The following TNR variants were observed in gnomAD, a reference collection of about 807,000 sequenced individuals.
The protein encoded by TNR is tenascin-R.
In TNR, 45 loss-of-function variants were observed where a neutral mutation model predicts 150.4. The observed-to-expected ratio is 0.30, with a 90% CI of 0.24 to 0.38. TNR has a LOEUF of 0.38. Among genes scored for constraint, TNR ranks in the 10% least tolerant of loss-of-function variants. The pLI, the probability that TNR is intolerant of heterozygous loss-of-function variation, is 1.00. For missense variants in TNR, 1,544 were observed against 1,759.1 expected, an observed-to-expected ratio of 0.88 and a Z score of 2.19; for synonymous variants, 687 against 678.4, an observed-to-expected ratio of 1.01 and a Z score of -0.20.
At chr1:175,578,592 G>C (rs895011672) in intron 1 of TNR, among the ~76,000 whole-genome samples, 1 of 151,852 alleles carries the variant, frequency 6.6e-6, no homozygotes, top group Admixed American at 6.6e-5. Context: ...AAGGGAGGAG[G>C]GAGACCCTCA....
At chr1:175,474,648 C>T (rs1269261211) in intron 2 of TNR, among the ~76,000 whole-genome samples, 1 of 152,214 alleles carries the variant, frequency 6.6e-6, no homozygotes, top group Middle Eastern at 3.2e-3. Flanking sequence ...CATCCGTAGC[C>T]ATGTGTGCCC....
At chr1:175,441,819 T>C (rs1283761975) in intron 2 of TNR, among the ~76,000 whole-genome samples, 1 of 152,146 alleles carries the variant, frequency 6.6e-6, no homozygotes, top group African/African-American at 2.4e-5. Context: ...CCTAATACTA[T>C]ATCATATTGC....
intron 1 of TNR, among the ~76,000 whole-genome samples, chr1:175,736,213 C>CA (rs532300322): frequency 4.6e-5 from 7 of 151,622 alleles, no homozygotes; most frequent in African/African-American, 7.3e-5. Context: ...TTAATTCTCA[C>CA]AAAAAAAACT....
chr1:175,532,883 G>C (rs1660127849), intron 1 of TNR, among the ~76,000 whole-genome samples: 1 of 152,116 alleles, frequency 6.6e-6, no homozygotes, highest in African/African-American at 2.4e-5. Context: ...TGAACAATCT[G>C]AGAAAGTGCA....
intron 1 of TNR, among the ~76,000 whole-genome samples, chr1:175,633,995 A>G (rs1424744496): frequency 7.5e-6 from 1 of 133,528 alleles, no homozygotes. Flanking sequence ...TAGGACTGGG[A>G]TGATGATGAT....
At chr1:175,433,165 A>G (rs1203079654) in intron 2 of TNR, among the ~76,000 whole-genome samples, 1 of 152,210 alleles carries the variant, frequency 6.6e-6, no homozygotes, top group Non-Finnish European at 1.5e-5. Flanking sequence ...CTATGTGTCC[A>G]CAATACTAGT....
At chr1:175,534,864 C>T (rs1191373576) in intron 1 of TNR, among the ~76,000 whole-genome samples, 1 of 152,206 alleles carries the variant, frequency 6.6e-6, no homozygotes. Context: ...GGGGCAGTTT[C>T]CTCCATGGCT....
At chr1:175,441,074 A>C (rs1655766755) in intron 2 of TNR, among the ~76,000 whole-genome samples, 1 of 152,188 alleles carries the variant, frequency 6.6e-6, no homozygotes, top group Non-Finnish European at 1.5e-5. Context: ...CCAGGTCATC[A>C]GCTGAGTATG....
At chr1:175,624,435 G>T (rs1571688219) in intron 1 of TNR, among the ~76,000 whole-genome samples, 7 of 151,960 alleles carry the variant, frequency 4.6e-5, no homozygotes, top group Admixed American at 4.6e-4. Context: ...CATTATGACT[G>T]GTATCTTTAT....
At chr1:175,650,630 C>A (rs1294813190) in intron 1 of TNR, among the ~76,000 whole-genome samples, 1 of 150,438 alleles carries the variant, frequency 6.6e-6, no homozygotes, top group Non-Finnish European at 1.5e-5. Flanking sequence ...TCCTCCCCCA[C>A]CTCAATATTA....
chr1:175,667,947 T>C (rs2101900776), intron 1 of TNR, among the ~76,000 whole-genome samples: 1 of 152,322 alleles, frequency 6.6e-6, no homozygotes, highest in East Asian at 1.9e-4. Context: ...ACTCAAAGTG[T>C]AGCCATGGGT....
intron 9 of TNR, among the ~76,000 whole-genome samples, chr1:175,376,860 T>TAGA: frequency 8.8e-6 from 1 of 113,704 alleles, no homozygotes; most frequent in East Asian, 3.5e-4. Context: ...AAATGTAATA[T>TAGA]TATATATATA....
chr1:175,663,244 C>T (rs1473251303), intron 1 of TNR, among the ~76,000 whole-genome samples: 2 of 152,174 alleles, frequency 1.3e-5, no homozygotes, highest in African/African-American at 4.8e-5. Flanking sequence ...ACACTGCCCT[C>T]TCTTTTTCCC....
intron 2 of TNR, among the ~76,000 whole-genome samples, chr1:175,435,691 C>A (rs1435013764): frequency 6.6e-6 from 1 of 152,154 alleles, no homozygotes. Flanking sequence ...TTGATGTTAG[C>A]TGGTTATTTT....
intron 1 of TNR, among the ~76,000 whole-genome samples, chr1:175,535,315 A>T (rs1297690878): frequency 6.6e-6 from 1 of 152,252 alleles, no homozygotes; most frequent in Non-Finnish European, 1.5e-5. Flanking sequence ...AAAATAGATT[A>T]GCAACGAGCT....
rs1040400378 is a variant in TNR at position 175,599,551 on chromosome 1, G to C, written c.-164-71182C>G. Among the ~76,000 whole-genome samples, 8 of 152,240 alleles carry C rather than the reference G, an allele frequency of 5.3e-5. No homozygotes were observed. Among genetic ancestry groups the C allele is most frequent in the African/African-American group, 1.2e-4 (5 of 41,476 alleles). On this transcript the variant is annotated intron_variant, in intron 1 of 22. Coordinates refer to ENST00000367674, the MANE Select transcript of TNR (RefSeq NM_003285.3). This position sits in a 1 kb window ranked among gnomAD's most constrained non-coding sequence, Gnocchi z 4.7. ...GGGCGGCGCGGTTAATGGGGTCTCT[G>C]CTGGGCTAGTGTCCCGCATCAGCGG...
intron 1 of TNR, chr1:175,556,484 A>C (rs1314715949): frequency 6.6e-6 from 1 of 152,202 alleles, no homozygotes; most frequent in African/African-American, 2.4e-5. Flanking sequence ...CTGTGAAAAC[A>C]AGACCTTTTC....
intron 9 of TNR, among the ~76,000 whole-genome samples, chr1:175,377,503 G>A (rs1393559527): frequency 7.8e-6 from 1 of 127,934 alleles, no homozygotes; most frequent in African/African-American, 3.0e-5. Context: ...TTTTGTGACT[G>A]TTTCTAGCTC....
chr1:175,491,962 A>C (rs984398133), intron 2 of TNR, among the ~76,000 whole-genome samples: 2 of 152,160 alleles, frequency 1.3e-5, no homozygotes, highest in Non-Finnish European at 2.9e-5. Context: ...CCAGACTTTT[A>C]AACGATAAAC....
Sources: gnomAD v4.1 joint callset for allele counts (sites outside exome capture counted in the v4.1 genomes callset) on GRCh38, gnomAD v4.1.1 for gene constraint, Gnocchi (gnomAD v3.1) non-coding constraint, MANE v1.5 for transcripts, NCBI Gene and HGNC (gene_info 2026-07-23, HGNC 2026-07-21) for gene names.